PRRX1: variants seen among roughly 807,000 people sequenced by gnomAD.
PRRX1 encodes the protein paired related homeobox 1.
Under a neutral mutation model 24.0 loss-of-function variants are expected in PRRX1, and 8 were observed. That is an observed-to-expected ratio of 0.33 (90% confidence interval 0.20 to 0.60). The LOEUF (loss-of-function observed/expected upper bound fraction) is 0.60, where lower values mean the gene tolerates loss of function less well. Among genes scored for constraint, PRRX1 ranks in the 20% least tolerant of loss-of-function variants. PRRX1 has a pLI of 0.82. For missense variants in PRRX1, 281 were observed against 322.4 expected (o/e 0.87, Z 0.98); for synonymous variants, 160 against 131.7 (o/e 1.22, Z -1.47).
intron 1 of PRRX1, among the ~76,000 whole-genome samples, chr1:170,692,526 T>A (rs1654023522): frequency 6.6e-6 from 1 of 152,178 alleles, no homozygotes; most frequent in Middle Eastern, 3.4e-3. Context: ...AAGCTGTTTT[T>A]TTTTTTTAAA....
intron 1 of PRRX1, among the ~76,000 whole-genome samples, chr1:170,690,901 A>G (rs1169940912): frequency 6.6e-6 from 1 of 152,124 alleles, no homozygotes; most frequent in Non-Finnish European, 1.5e-5. Flanking sequence ...TGTGAGCATC[A>G]AAATAAGGAA....
At chr1:170,693,007 T>A (rs143450827) in intron 1 of PRRX1, among the ~76,000 whole-genome samples, 122 of 152,166 alleles carry the variant, frequency 8.0e-4, no homozygotes, top group African/African-American at 2.8e-3. Context: ...CACCAGCATC[T>A]TGATTCACTT....
At chr1:170,704,899 C>T (rs1287383825) in intron 1 of PRRX1, among the ~76,000 whole-genome samples, 1 of 152,128 alleles carries the variant, frequency 6.6e-6, no homozygotes, top group Non-Finnish European at 1.5e-5. Context: ...TTACTGGATG[C>T]TTTGTGCCAT....
intron 1 of PRRX1, among the ~76,000 whole-genome samples, chr1:170,677,274 T>G (rs1375323971): frequency 6.6e-6 from 1 of 152,256 alleles, no homozygotes; most frequent in Non-Finnish European, 1.5e-5. Flanking sequence ...TCTATAAAAC[T>G]GGCACATTAA....
At chr1:170,709,271 G>A (rs138897373) in intron 1 of PRRX1, among the ~76,000 whole-genome samples, 5 of 152,152 alleles carry the variant, frequency 3.3e-5, no homozygotes, top group Non-Finnish European at 7.3e-5. Flanking sequence ...AAAGGAGAAG[G>A]GGCCATTAAT....
intron 3 of PRRX1, among the ~76,000 whole-genome samples, chr1:170,735,520 G>A (rs1473064041): frequency 2.0e-5 from 3 of 152,240 alleles, no homozygotes; most frequent in African/African-American, 7.2e-5. Context: ...ATGTTAGGTT[G>A]TTTAACTGGT....
intron 3 of PRRX1, among the ~76,000 whole-genome samples, chr1:170,735,464 C>CA (rs201391136): frequency 0.014 from 2,088 of 152,278 alleles, 56 homozygotes; most frequent in African/African-American, 0.047. Flanking sequence ...CTTGATTCAG[C>CA]AAGCTTGGTG....
intron 1 of PRRX1, among the ~76,000 whole-genome samples, chr1:170,669,699 G>A (rs1653079978): frequency 6.6e-6 from 1 of 151,938 alleles, no homozygotes; most frequent in South Asian, 2.1e-4. Flanking sequence ...ACCCTCCTTG[G>A]CGGAAGCACT....
At chr1:170,667,853 A>C (rs1652996357) in intron 1 of PRRX1, 1 of 152,182 alleles carries the variant, frequency 6.6e-6, no homozygotes, top group African/African-American at 2.4e-5. Flanking sequence ...TAGCAAAACA[A>C]ACTCCACTTA....
chr1:170,691,265 A>G (rs1249592594), intron 1 of PRRX1, among the ~76,000 whole-genome samples: 1 of 152,154 alleles, frequency 6.6e-6, no homozygotes, highest in Non-Finnish European at 1.5e-5. Flanking sequence ...AAAAATGTTT[A>G]TTAGCCAACC....
At chr1:170,718,660 C>T (rs1389357794) in intron 1 of PRRX1, among the ~76,000 whole-genome samples, 3 of 152,172 alleles carry the variant, frequency 2.0e-5, no homozygotes, top group African/African-American at 7.2e-5. Context: ...TTAGATGGAG[C>T]ATGTGACTTG....
At chr1:170,669,949 G>A (rs1653092316) in intron 1 of PRRX1, among the ~76,000 whole-genome samples, 1 of 152,240 alleles carries the variant, frequency 6.6e-6, no homozygotes, top group South Asian at 2.1e-4. Flanking sequence ...TGATAGAAGT[G>A]TTTTGGGGGT....
In PRRX1 at chr1:170,725,609, G is replaced by A. The variant is rs575050252; in HGVS notation, c.418-611G>A. Among the ~76,000 whole-genome samples, 8 of 152,268 alleles carry A rather than the reference G, an allele frequency of 5.3e-5. No individual in the cohort carries two copies. In the South Asian group the frequency reaches 1.7e-3, roughly 32 times the overall value. Reference sequence around the variant, plus strand: ...GTTAGTCTTAGTCTTCAGGTTCTCTGCAGGATTGAGCTACCACAGAGATAG... The same window carrying A: ...GTTAGTCTTAGTCTTCAGGTTCTCTACAGGATTGAGCTACCACAGAGATAG... On this transcript the variant is annotated intron_variant, in intron 2 of 3. Transcript: ENST00000239461.
At chr1:170,682,966 G>A (rs1258137517) in intron 1 of PRRX1, among the ~76,000 whole-genome samples, 1 of 152,158 alleles carries the variant, frequency 6.6e-6, no homozygotes, top group Non-Finnish European at 1.5e-5. Context: ...TTATAGCCAA[G>A]GAACAGAAAG....
chr1:170,709,531 C>T (rs891534175), intron 1 of PRRX1, among the ~76,000 whole-genome samples: 3 of 152,148 alleles, frequency 2.0e-5, no homozygotes, highest in African/African-American at 7.2e-5. Context: ...TATCTGTCCT[C>T]CTTCCTGGCC....
chr1:170,692,688 G>A lies in PRRX1; in HGVS notation c.242-27038G>A, dbSNP rs60146319. On this transcript the variant is annotated intron_variant, in intron 1 of 3. Coordinates refer to ENST00000239461, the MANE Select transcript of PRRX1 (RefSeq NM_022716.4). ...AGAATCTTCATGGAAATAAGTGGAA[G>A]AAACCCCTTAACGAACTAACAAATC... 7.7e-3 allele frequency among the ~76,000 whole-genome samples: 1,121 copies of A among 145,596 alleles called. 16 individuals are homozygous for A. The highest frequency in any genetic ancestry group is 0.027 in the African/African-American group (1,063 of 39,578).
intron 1 of PRRX1, among the ~76,000 whole-genome samples, chr1:170,682,878 T>C (rs1335992644): frequency 1.3e-5 from 2 of 152,182 alleles, no homozygotes; most frequent in Non-Finnish European, 2.9e-5. Flanking sequence ...GAGCTAACTA[T>C]GTAGAGAGCA....
intron 1 of PRRX1, among the ~76,000 whole-genome samples, chr1:170,675,291 C>T (rs768904025): frequency 9.9e-5 from 15 of 152,082 alleles, no homozygotes; most frequent in East Asian, 1.9e-4. Context: ...GAAAAGCCTG[C>T]GTAATACCTA....
intron 1 of PRRX1, among the ~76,000 whole-genome samples, chr1:170,714,114 A>G (rs767303357): frequency 6.6e-6 from 1 of 152,210 alleles, no homozygotes; most frequent in Admixed American, 6.5e-5. Flanking sequence ...CAGGACACAT[A>G]TTAGAAAGAT....
Sources: gnomAD v4.1 joint callset for allele counts (sites outside exome capture counted in the v4.1 genomes callset) on GRCh38, gnomAD v4.1.1 for gene constraint, MANE v1.5 for transcripts, NCBI Gene and HGNC (gene_info 2026-07-23, HGNC 2026-07-21) for gene names.